PRSS3: variants seen among roughly 807,000 people sequenced by gnomAD.
PRSS3 encodes the protein serine protease 3, also known as trypsin-3.
In PRSS3, 14 loss-of-function variants were observed where a neutral mutation model predicts 20.8. The ratio of observed to expected loss-of-function variants is 0.67; its 90% confidence interval spans 0.44 to 1.05. The LOEUF (loss-of-function observed/expected upper bound fraction) is 1.05. Ranked by LOEUF, PRSS3 falls within the 50% of genes least tolerant of loss-of-function variation. PRSS3 has a pLI of 0.00. For synonymous variants in PRSS3, 91 were observed against 117.6 expected (o/e 0.77, Z 1.46); for missense variants, 237 against 306.4 (o/e 0.77, Z 1.69).
chr9:33,790,747 A>G (rs759559234), upstream of PRSS3, among the ~76,000 whole-genome samples: 1 of 152,266 alleles, frequency 6.6e-6, no homozygotes, highest in Non-Finnish European at 1.5e-5. Flanking sequence ...CACTGAAACA[A>G]GAACCTTTTC....
rs1825151227 is a variant in PRSS3, at chr9:33,798,610, G to A, written c.579G>A (p.Lys193=). The A allele has an allele frequency of 6.2e-7, 1 of 1,614,118 alleles. No individual in the cohort carries two copies. Among genetic ancestry groups the A allele is most frequent in the South Asian group, 1.1e-5 (1 of 91,068 alleles). Residue 193 remains lysine, a synonymous_variant, in exon 4 of 5, where the codon AAG becomes AAA. Transcript: ENST00000379405. ...GTGTGGGCTTCCTTGAGGGAGGCAA[G>A]GATTCCTGCCAGGTGATTTGACCCT... The part of the protein sequence containing the change: ...MFCVGFLEGG[K]DSCQRDSGGP...
Position 33,796,608 on chromosome 9 carries a change from C to T in PRSS3, c.41-35C>T, listed in dbSNP as rs889930170. The T allele has an allele frequency of 6.2e-6, 10 of 1,612,820 alleles. No homozygotes were observed. The East Asian group carries it at 8.9e-5, about 14-fold the overall frequency. ...TGGGAGCACCACCCCTAACATGCTACTGACTTGCCTTCTCCCTTCCTATTT... is the reference window on the plus strand; with the variant it reads ...TGGGAGCACCACCCCTAACATGCTATTGACTTGCCTTCTCCCTTCCTATTT... On this transcript the variant is annotated intron_variant, in intron 1 of 4. Coordinates refer to ENST00000379405, the MANE Select transcript of PRSS3 (RefSeq NM_002771.4).
At chr9:33,757,351 C>T (rs1480298343) in intron 1 of PRSS3, among the ~76,000 whole-genome samples, 5 of 152,194 alleles carry the variant, frequency 3.3e-5, no homozygotes. Context: ...ATTGGGAAAA[C>T]ATTTTTCTAA....
intron 1 of PRSS3, among the ~76,000 whole-genome samples, chr9:33,785,160 A>AATTTTT (rs1824338236): frequency 1.4e-5 from 1 of 72,500 alleles, no homozygotes; most frequent in African/African-American, 7.5e-5. Flanking sequence ...ATTGTGGTCA[A>AATTTTT]TTTTTTTTTT....
rs1312248273 is a variant in PRSS3 at position 33,786,654 on chromosome 9, C to A, written c.-52-8092C>A. ...ATGATGTTCTGGTACTGTCAGCAAC[C>A]TGGACAGAGCGTGACACTGATTGCA... is the stretch of plus-strand genomic sequence containing the variant. On this transcript the variant is annotated intron_variant, in intron 1 of 5. Transcript: ENST00000342836. The A allele has an allele frequency of 3.9e-6, 3 of 766,262 alleles. No individual in the cohort carries two copies. The Admixed American group carries it at 5.1e-5, about 13-fold the overall frequency. The allele number at this position is 766,262 out of a possible 1,614,324, so 47.5% of individuals were successfully genotyped here.
intron 1 of PRSS3, among the ~76,000 whole-genome samples, chr9:33,788,875 G>A (rs1364249760): frequency 6.6e-6 from 1 of 151,716 alleles, no homozygotes; most frequent in Non-Finnish European, 1.5e-5. Flanking sequence ...CTACAATCTG[G>A]GTAATTTCTT....
At chr9:33,797,209 A>G (rs1164373017) in intron 2 of PRSS3, among the ~76,000 whole-genome samples, 7 of 152,302 alleles carry the variant, frequency 4.6e-5, no homozygotes, top group African/African-American at 1.7e-4. Flanking sequence ...GAGTGTATAG[A>G]CAGAGCTGAG....
intron 1 of PRSS3, among the ~76,000 whole-genome samples, chr9:33,754,233 A>G (rs1003559536): frequency 6.6e-6 from 1 of 151,826 alleles, no homozygotes; most frequent in African/African-American, 2.4e-5. Context: ...CACCACGCCC[A>G]GCTAATTTTT....
At chr9:33,793,573 T>G (rs552771812), upstream of PRSS3, 190 of 609,568 alleles carry the variant, frequency 3.1e-4, 2 homozygotes, top group South Asian at 7.8e-3. Flanking sequence ...CATCTATTTC[T>G]GCCAGGAAGA....
intron 1 of PRSS3, among the ~76,000 whole-genome samples, chr9:33,761,367 AG>A (rs755171774): frequency 6.6e-5 from 10 of 152,222 alleles, no homozygotes; most frequent in Non-Finnish European, 1.2e-4. Flanking sequence ...GTTATAGCAC[AG>A]TGGTAAGTAT....
At chr9:33,752,822 T>C (rs532558024) in intron 1 of PRSS3, among the ~76,000 whole-genome samples, 1 of 152,236 alleles carries the variant, frequency 6.6e-6, no homozygotes, top group Non-Finnish European at 1.5e-5. Flanking sequence ...CTAAAAGGTC[T>C]ATCAGCCTTC....
In PRSS3 at chr9:33,786,528, GCT is replaced by G. The variant is rs200461230; in HGVS notation, c.-52-8215_-52-8214del. The G allele has an allele frequency of 5.2e-5, 40 of 763,500 alleles. No homozygotes were observed. The East Asian group carries it at 9.5e-4, about 18-fold the overall frequency. The allele number at this position is 763,500 out of a possible 1,614,324, so 47.3% of individuals were successfully genotyped here. A position where few individuals can be genotyped will look rare whatever the true frequency, so the allele number is the denominator to read the frequency against. ...CTCATGAATATCTCTCTGGAACTAG[GCT>G]CTGTGTTCAGTGCTGTCATCTCTCA... On this transcript the variant is annotated intron_variant, in intron 1 of 5. Transcript: ENST00000342836.
chr9:33,771,768 C>T (rs1823716379), intron 1 of PRSS3, among the ~76,000 whole-genome samples: 1 of 150,900 alleles, frequency 6.6e-6, no homozygotes, highest in Non-Finnish European at 1.5e-5. Flanking sequence ...ACCACCACAC[C>T]CAGCTAATTT....
At chr9:33,794,689 C>T, upstream of PRSS3, 1 of 1,484,018 alleles carries the variant, frequency 6.7e-7, no homozygotes. Context: ...GCATGTCATT[C>T]TGGTTCAGGC....
At chr9:33,769,986 T>C (rs1478915600) in intron 1 of PRSS3, among the ~76,000 whole-genome samples, 2 of 152,114 alleles carry the variant, frequency 1.3e-5, no homozygotes, top group South Asian at 4.1e-4. Flanking sequence ...TGAAATCCTG[T>C]CTCATATAAA....
chr9:33,783,544 T>C (rs1355930845), intron 1 of PRSS3, among the ~76,000 whole-genome samples: 2 of 152,228 alleles, frequency 1.3e-5, no homozygotes, highest in Non-Finnish European at 2.9e-5. Flanking sequence ...GGTACATGCA[T>C]GTTCACTGTA....
intron 2 of PRSS3, 52 bp downstream of exon 2, chr9:33,796,854 G>A: frequency 1.9e-6 from 3 of 1,613,740 alleles, no homozygotes; most frequent in Non-Finnish European, 2.5e-6. Context: ...GCCTGGGAGA[G>A]CTTGGCTTCA....
At chr9:33,758,704 A>G (rs1425502797) in intron 1 of PRSS3, among the ~76,000 whole-genome samples, 1 of 152,206 alleles carries the variant, frequency 6.6e-6, no homozygotes, top group South Asian at 2.1e-4. Context: ...GAGATACAGT[A>G]GTAGAAATCA....
intron 1 of PRSS3, among the ~76,000 whole-genome samples, chr9:33,764,349 C>T (rs1458807143): frequency 2.0e-5 from 3 of 152,216 alleles, no homozygotes; most frequent in African/African-American, 4.8e-5. Context: ...GCCTGGCCAA[C>T]ATGGTGAAAC....
Sources: allele counts gnomAD v4.1 joint callset (sites outside exome capture counted in the v4.1 genomes callset), GRCh38; gene constraint gnomAD v4.1.1; transcripts MANE v1.5; gene names NCBI Gene and HGNC (gene_info 2026-07-23, HGNC 2026-07-21).